Variants in TNRC6B observed in about 807,000 individuals in gnomAD.
TNRC6B encodes trinucleotide repeat-containing gene 6B protein.
TNRC6B carries 52 observed loss-of-function variants against 203.6 expected under a neutral mutation model. The observed-to-expected ratio is 0.26, with a 90% CI of 0.20 to 0.32. The LOEUF (loss-of-function observed/expected upper bound fraction) is 0.32, where lower values mean the gene tolerates loss of function less well. Ranked by LOEUF, TNRC6B falls within the 10% of genes least tolerant of loss-of-function variation. The pLI, the probability that TNRC6B is intolerant of heterozygous loss-of-function variation, is 1.00. For missense variants in TNRC6B, 1,923 were observed against 2,286.2 expected (o/e 0.84, Z 3.24); for synonymous variants, 838 against 845.7 (o/e 0.99, Z 0.16).
At chr22:40,305,862 C>A (rs192369163) in intron 15 of TNRC6B, among the ~76,000 whole-genome samples, 1 of 152,210 alleles carries the variant, frequency 6.6e-6, no homozygotes, top group Non-Finnish European at 1.5e-5. Flanking sequence ...CTTTCTTTCT[C>A]TCATTCATTT....
In TNRC6B at chr22:40,265,682, G is replaced by T. The variant is rs1272264919; in HGVS notation, c.1452G>T (p.Trp484Cys). The T allele has an allele frequency of 6.2e-7, 1 of 1,613,842 alleles. No individual in the cohort carries two copies. The highest frequency in any genetic ancestry group is 8.5e-7 in the Non-Finnish European group (1 of 1,179,870). ...ATAACAGGTCTACGGGTGGGTCCTG[G>T]AACTTTGGCCCCCAGGACTCTAATG... ...DNNNRSTGGS[W>C]NFGPQDSNDN... The change falls in exon 5 of 23, where the codon TGG becomes TGT. Residue 484 changes from tryptophan (W) to cysteine (C), a missense_variant. Around this residue, in one of 8 missense-constraint regions of TNRC6B, gnomAD observed 614 missense variants for 587.7 expected, o/e 1.04. Transcript: ENST00000454349.
At position 40,329,396 on chromosome 22, in the gene TNRC6B, T is replaced by C. The variant is rs6001882; in HGVS notation, c.*6155T>C. On this transcript the variant is annotated 3_prime_UTR_variant, in exon 23 of 23. Transcript: ENST00000454349. Reference sequence around the variant, plus strand: ...TTGTGGCCAGCGCCAAAGGTGTGTGTATTTTCAGAAATGGTCCCTATTTGT... The same window carrying C: ...TTGTGGCCAGCGCCAAAGGTGTGTGCATTTTCAGAAATGGTCCCTATTTGT... 1.6e-4 allele frequency: 25 copies of C among 152,300 alleles called. No individual in the cohort carries two copies. Among genetic ancestry groups the C allele is most frequent in the African/African-American group, 6.0e-4 (25 of 41,566 alleles). The allele number at this position is 152,300 out of a possible 1,614,324, so 9.4% of individuals were successfully genotyped here. A position where few individuals can be genotyped will look rare whatever the true frequency, so the allele number is the denominator to read the frequency against.
chr22:40,127,758 T>C (rs2068506705), intron 3 of TNRC6B, among the ~76,000 whole-genome samples: 1 of 152,142 alleles, frequency 6.6e-6, no homozygotes, highest in African/African-American at 2.4e-5. Flanking sequence ...CAGTCCCAGC[T>C]ACTCAGGAGG....
chr22:40,131,173 GC>G (rs2068541526), intron 3 of TNRC6B, among the ~76,000 whole-genome samples: 1 of 152,132 alleles, frequency 6.6e-6, no homozygotes, highest in African/African-American at 2.4e-5. Context: ...GCCCGCCTCA[GC>G]CTCCCAAAGT....
chr22:40,122,130 T>C (rs911862649), intron 2 of TNRC6B, among the ~76,000 whole-genome samples: 27 of 152,326 alleles, frequency 1.8e-4, no homozygotes, highest in Admixed American at 1.4e-3. Context: ...ACCCAATAAA[T>C]AGCACTCTCC....
At chr22:40,229,990 T>C (rs987501452) in intron 1 of TNRC6B, among the ~76,000 whole-genome samples, 1 of 152,198 alleles carries the variant, frequency 6.6e-6, no homozygotes, top group African/African-American at 2.4e-5. Context: ...AATGAATGGC[T>C]GGGTCATATA....
intron 16 of TNRC6B, among the ~76,000 whole-genome samples, chr22:40,309,198 T>G (rs969736797): frequency 2.6e-5 from 4 of 152,230 alleles, no homozygotes; most frequent in Non-Finnish European, 5.9e-5. Context: ...CCTCTCAGTT[T>G]CTCTCTATAA....
At position 40,077,676 on chromosome 22, in the gene TNRC6B, TA is replaced by T. The variant is rs1457093320; in HGVS notation, c.-121+32679del. ...TTACACAAGTAATAAATATTTATTG[TA>T]GACAAATTCAGAACATACACATAGC... On this transcript the variant is annotated intron_variant, in intron 1 of 23. Coordinates refer to the TNRC6B transcript ENST00000301923. Among the ~76,000 whole-genome samples, 9 of 152,198 alleles carry T rather than the reference TA, an allele frequency of 5.9e-5. No individual in the cohort carries two copies. The South Asian group carries it at 1.0e-3, about 18-fold the overall frequency.
chr22:40,154,874 TATATATATATATATATATATAC>T (rs1478176264), intron 3 of TNRC6B, among the ~76,000 whole-genome samples: 4,273 of 52,982 alleles, frequency 0.081, 279 homozygotes, highest in Admixed American at 0.16. Flanking sequence ...TATATATATA[TATATATATATATATATATATAC>T]ATATATATAT....
At chr22:40,061,838 C>T (rs1489661950) in intron 1 of TNRC6B, among the ~76,000 whole-genome samples, 1 of 152,026 alleles carries the variant, frequency 6.6e-6, no homozygotes, top group Non-Finnish European at 1.5e-5. Flanking sequence ...CTTTGGGAGG[C>T]CAAGGTGGGT....
At position 40,265,365 on chromosome 22, in the gene TNRC6B, A is replaced by G; in HGVS notation, c.1135A>G (p.Asn379Asp). The G allele has an allele frequency of 6.2e-7, 1 of 1,614,014 alleles. No homozygotes were observed. Among genetic ancestry groups the G allele is most frequent in the South Asian group, 1.1e-5 (1 of 91,082 alleles). The change falls in exon 5 of 23, where the codon AAC (asparagine) becomes GAC (aspartate). Residue 379 changes from asparagine to aspartate, a missense_variant. Coordinates refer to ENST00000454349, the MANE Select transcript of TNRC6B (RefSeq NM_001162501.2). ...NTDGPKNGNT[N>D]SLNLSSPNPM... ...TGATGGACCAAAAAATGGAAACACT[A>G]ACTCCTTGAACTTAAGTTCACCAAA...
At chr22:40,200,278 C>CTTTTTG in intron 1 of TNRC6B, among the ~76,000 whole-genome samples, 1 of 75,510 alleles carries the variant, frequency 1.3e-5, no homozygotes, top group Middle Eastern at 0.022. Context: ...AAGTAATATT[C>CTTTTTG]TTTTTTTTTT....
At chr22:40,133,970 C>CAAAA (rs57924620) in intron 3 of TNRC6B, among the ~76,000 whole-genome samples, 5 of 45,946 alleles carry the variant, frequency 1.1e-4, no homozygotes, top group Admixed American at 2.9e-4. Context: ...AGCTCCGTCT[C>CAAAA]AAAAAAAAAA....
chr22:40,329,870 T>G lies in TNRC6B; in HGVS notation c.*6629T>G. 1 of 152,240 alleles carries G rather than the reference T, an allele frequency of 6.6e-6. No homozygotes were observed. The highest frequency in any genetic ancestry group is 1.9e-4 in the East Asian group (1 of 5,202). The allele number at this position is 152,240 out of a possible 1,614,324, so 9.4% of individuals were successfully genotyped here. A position where few individuals can be genotyped will look rare whatever the true frequency, so the allele number is the denominator to read the frequency against. ...TTAAATCGTTCCCTTTTCAGTTAGC[T>G]ATATACCTGAATTTGTTTTTAACAA... On this transcript the variant is annotated 3_prime_UTR_variant, in exon 23 of 23. Coordinates refer to ENST00000454349, the MANE Select transcript of TNRC6B (RefSeq NM_001162501.2).
At chr22:40,176,122 CTTTTTTTTTT>C (rs984617603), upstream of TNRC6B, among the ~76,000 whole-genome samples, 3 of 132,002 alleles carry the variant, frequency 2.3e-5, no homozygotes, top group African/African-American at 8.4e-5. Context: ...TTCTCATGCA[CTTTTTTTTTT>C]TTTTTTTTTG....
intron 11 of TNRC6B, among the ~76,000 whole-genome samples, chr22:40,284,555 T>C (rs1015653719): frequency 6.6e-6 from 1 of 152,224 alleles, no homozygotes; most frequent in African/African-American, 2.4e-5. Context: ...TTACAGATGA[T>C]ATATTCATCC....
rs987564366 is a variant in TNRC6B at position 40,178,048 on chromosome 22, CAAAA to C, written c.-86_-83del. The C allele has an allele frequency of 3.1e-6, 5 of 1,587,690 alleles. No homozygotes were observed. The African/African-American group carries it at 5.5e-5, about 17-fold the overall frequency. On this transcript the variant is annotated 5_prime_UTR_variant, in exon 1 of 23. Transcript: ENST00000454349. ...TTTAAAATACAAAAAAACAGATAGA[CAAAA>C]AGAATTCATTTTTTGGACCTTTTTT...
chr22:40,134,488 G>A (rs1415826406), intron 3 of TNRC6B, among the ~76,000 whole-genome samples: 1 of 152,142 alleles, frequency 6.6e-6, no homozygotes, highest in Non-Finnish European at 1.5e-5. Context: ...AATGTAATGT[G>A]GTATTCTGGA....
intron 1 of TNRC6B, among the ~76,000 whole-genome samples, chr22:40,231,754 A>AAAT (rs1409177682): frequency 6.6e-6 from 1 of 152,164 alleles, no homozygotes; most frequent in African/African-American, 2.4e-5. Flanking sequence ...GGCTCCTATT[A>AAAT]TTGTTGATGA....
Sources: allele counts gnomAD v4.1 joint callset (sites outside exome capture counted in the v4.1 genomes callset), GRCh38; gene constraint gnomAD v4.1.1; regional missense constraint gnomAD v4.1.1; transcripts MANE v1.5; gene names NCBI Gene and HGNC (gene_info 2026-07-23, HGNC 2026-07-21).